RNF13: variants seen among roughly 807,000 people sequenced by gnomAD.
RNF13 encodes the protein ring finger protein 13.
A neutral mutation model predicts 37.7 loss-of-function variants in RNF13; 19 were observed. The observed-to-expected ratio is 0.50, with a 90% CI of 0.35 to 0.74. RNF13 has a LOEUF of 0.74. Ranked by LOEUF, RNF13 falls within the 30% of genes least tolerant of loss-of-function variation. The pLI is 0.01. For missense variants in RNF13, 375 were observed against 453.0 expected (o/e 0.83, Z 1.56); for synonymous variants, 144 against 157.8 (o/e 0.91, Z 0.65).
intron 1 of RNF13, among the ~76,000 whole-genome samples, chr3:149,830,729 C>T (rs956519516): frequency 2.6e-5 from 4 of 151,142 alleles, no homozygotes; most frequent in East Asian, 1.9e-4. Flanking sequence ...GCTTAAGTAA[C>T]GAGGAGCCAA....
At chr3:149,843,024 A>G (rs760745192) in intron 1 of RNF13, among the ~76,000 whole-genome samples, 1 of 152,226 alleles carries the variant, frequency 6.6e-6, no homozygotes, top group Non-Finnish European at 1.5e-5. Flanking sequence ...CGCCCTCCGT[A>G]TCCATGGGTT....
chr3:149,856,508 A>T (rs1723666891), intron 3 of RNF13, among the ~76,000 whole-genome samples: 1 of 149,032 alleles, frequency 6.7e-6, no homozygotes, highest in Non-Finnish European at 1.5e-5. Flanking sequence ...CAGTGGCATG[A>T]TCATAGCTCA....
intron 6 of RNF13, 116 bp downstream of exon 6, chr3:149,902,278 A>T (rs142776757): frequency 6.3e-4 from 315 of 497,182 alleles, no homozygotes; most frequent in African/African-American, 5.7e-3. Flanking sequence ...GTGCTAAATT[A>T]TCCCTTTTTA....
intron 1 of RNF13, among the ~76,000 whole-genome samples, chr3:149,838,705 A>G (rs1190726663): frequency 6.6e-6 from 1 of 152,228 alleles, no homozygotes; most frequent in Non-Finnish European, 1.5e-5. Flanking sequence ...TGGGCCTGTG[A>G]TGGGAGAGGC....
intron 1 of RNF13, among the ~76,000 whole-genome samples, chr3:149,844,368 TC>T (rs1196502502): frequency 6.6e-6 from 1 of 152,172 alleles, no homozygotes; most frequent in Non-Finnish European, 1.5e-5. Context: ...ATGGGATGCG[TC>T]TAATTCCTCA....
intron 1 of RNF13, among the ~76,000 whole-genome samples, chr3:149,828,451 T>A (rs1198227026): frequency 6.6e-6 from 1 of 152,210 alleles, no homozygotes; most frequent in Non-Finnish European, 1.5e-5. Context: ...ACACTGTGCA[T>A]GATATTTGAT....
At chr3:149,868,322 T>C (rs1039921471) in intron 3 of RNF13, among the ~76,000 whole-genome samples, 10 of 151,832 alleles carry the variant, frequency 6.6e-5, no homozygotes, top group African/African-American at 2.4e-4. Context: ...TATTTTTTTT[T>C]AATTTTAGCA....
At chr3:149,843,081 A>G (rs1171360999) in intron 1 of RNF13, among the ~76,000 whole-genome samples, 5 of 152,320 alleles carry the variant, frequency 3.3e-5, no homozygotes, top group African/African-American at 9.6e-5. Context: ...TATTTGGGGA[A>G]AAAAGTGACT....
chr3:149,883,429 ATG>A (rs1370190317), intron 4 of RNF13, among the ~76,000 whole-genome samples: 2 of 151,586 alleles, frequency 1.3e-5, no homozygotes, highest in Non-Finnish European at 3.0e-5. Flanking sequence ...ATGTGTGTGT[ATG>A]TGTGTGTGTA....
At chr3:149,856,444 C>CTTT (rs34185354) in intron 3 of RNF13, among the ~76,000 whole-genome samples, 11 of 135,198 alleles carry the variant, frequency 8.1e-5, no homozygotes, top group Non-Finnish European at 7.9e-5. Context: ...CTGAAAAATA[C>CTTT]TTTTTTTTTT....
At position 149,921,167 on chromosome 3, in the gene RNF13, A is replaced by G; in HGVS notation, c.640A>G (p.Arg214Gly). Residue 214 changes from arginine to glycine, a missense_variant, in exon 8 of 10, where the codon AGA becomes GGA. By Grantham distance (125) the Arg-to-Gly change is moderately radical. Coordinates refer to ENST00000392894, the MANE Select transcript of RNF13 (RefSeq NM_183381.3). The part of the protein sequence containing the change: ...TKFVQDRHRA[R>G]RNRLRKDQLK... ...ATTTGTCCAGGATAGACATAGAGCT[A>G]GAAGAAACAGACTTCGTAAAGATCA... is the stretch of plus-strand genomic sequence containing the variant. 7.0e-7 allele frequency: 1 copy of G among 1,426,428 alleles called. No homozygotes were observed. 88.4% of individuals were successfully genotyped at this position (1,426,428 alleles called of 1,614,324 possible). A position where few individuals can be genotyped will look rare whatever the true frequency, so the allele number is the denominator to read the frequency against.
intron 6 of RNF13, among the ~76,000 whole-genome samples, chr3:149,903,020 T>G (rs909638193): frequency 2.1e-4 from 32 of 152,216 alleles, no homozygotes; most frequent in African/African-American, 6.3e-4. Context: ...CCAATTCTAA[T>G]TATTTAGGGG....
intron 7 of RNF13, chr3:149,917,571 C>T (rs945841515): frequency 6.6e-6 from 1 of 152,158 alleles, no homozygotes; most frequent in East Asian, 1.9e-4. Flanking sequence ...ATAACACCCC[C>T]TCAGAAACGT....
Position 149,871,547 on chromosome 3 carries a change from T to G in RNF13, c.196-482T>G, listed in dbSNP as rs553497603. ...ATAGTTACCTTGTGGATATGCATGA[T>G]TTCCAGTTTTTGCTATTAAAAATAA... On this transcript the variant is annotated intron_variant, in intron 3 of 9. Coordinates refer to ENST00000392894, the MANE Select transcript of RNF13 (RefSeq NM_183381.3). 1.7e-3 allele frequency among the ~76,000 whole-genome samples: 259 copies of G among 151,924 alleles called. 5 individuals carry two copies. The highest frequency in any genetic ancestry group is 8.6e-3 in the Admixed American group (131 of 15,228).
chr3:149,852,475 TA>T lies in RNF13; in HGVS notation c.115-38del, dbSNP rs554849647. 184 of 878,110 alleles carry T rather than the reference TA, an allele frequency of 2.1e-4. No homozygotes were observed. The African/African-American group carries it at 2.7e-3, about 13-fold the overall frequency. 54.4% of individuals were successfully genotyped at this position (878,110 alleles called of 1,614,324 possible). On this transcript the variant is annotated intron_variant, in intron 2 of 9. Transcript: ENST00000392894. ...AAGTCTTTGTTTTTAATGTTATATATAAATTGGTCTTAACTTGAATATTTAA... is the reference window on the plus strand; with the variant it reads ...AAGTCTTTGTTTTTAATGTTATATATAATTGGTCTTAACTTGAATATTTAA...
intron 1 of RNF13, among the ~76,000 whole-genome samples, chr3:149,833,701 C>A (rs1304073625): frequency 6.6e-6 from 1 of 152,122 alleles, no homozygotes; most frequent in Non-Finnish European, 1.5e-5. Context: ...AGATCAGGAA[C>A]AAGACAAGGA....
intron 1 of RNF13, among the ~76,000 whole-genome samples, chr3:149,830,836 A>G (rs1220023710): frequency 2.6e-5 from 4 of 152,242 alleles, no homozygotes; most frequent in Non-Finnish European, 4.4e-5. Flanking sequence ...CCTAGGAGGA[A>G]AAAATGGCTT....
At chr3:149,949,631 C>T (rs1011115901) in intron 8 of RNF13, among the ~76,000 whole-genome samples, 1 of 151,882 alleles carries the variant, frequency 6.6e-6, no homozygotes, top group Non-Finnish European at 1.5e-5. Context: ...TCCTCTACCC[C>T]TTTCTTTCTT....
At chr3:149,895,673 A>G (rs778612727) in intron 5 of RNF13, 113 bp downstream of exon 5, 2 of 600,886 alleles carry the variant, frequency 3.3e-6, no homozygotes, top group South Asian at 2.6e-5. Context: ...TTTCTTCTCT[A>G]TCAGATAATC....
Sources: gnomAD v4.1 joint callset for allele counts (sites outside exome capture counted in the v4.1 genomes callset) on GRCh38, gnomAD v4.1.1 for gene constraint, MANE v1.5 for transcripts, NCBI Gene and HGNC (gene_info 2026-07-23, HGNC 2026-07-21) for gene names.